ATPAF1: variants seen among roughly 807,000 people sequenced by gnomAD.
The protein encoded by ATPAF1 is ATP synthase mitochondrial F1 complex assembly factor 1.
Under a neutral mutation model 43.9 loss-of-function variants are expected in ATPAF1, and 26 were observed. The ratio of observed to expected loss-of-function variants is 0.59; its 90% CI spans 0.43 to 0.82. ATPAF1 has a LOEUF of 0.82. Among genes scored for constraint, ATPAF1 ranks in the 40% least tolerant of loss-of-function variants. The pLI, the probability that ATPAF1 is intolerant of heterozygous loss-of-function variation, is 0.00. For synonymous variants in ATPAF1, 157 were observed against 168.0 expected (o/e 0.93, Z 0.50); for missense variants, 366 against 435.0 (o/e 0.84, Z 1.41).
At chr1:46,637,210 T>TA (rs1675857860) in intron 8 of ATPAF1, among the ~76,000 whole-genome samples, 1 of 152,110 alleles carries the variant, frequency 6.6e-6, no homozygotes, top group South Asian at 2.1e-4. Flanking sequence ...CAGGCCACCC[T>TA]ACATGACAGA....
chr1:46,643,293 C>G, exon 8 of ATPAF1: 2 of 1,612,002 alleles, frequency 1.2e-6, no homozygotes, highest in Non-Finnish European at 1.7e-6. Context: ...CTGCAGCTTC[C>G]CCTCGGGTCT....
In ATPAF1 at chr1:46,668,327, G is replaced by GC. The variant is rs1676531123; in HGVS notation, c.-6dup. On this transcript the variant is annotated 5_prime_UTR_variant, in exon 1 of 9. Coordinates refer to ENST00000574428, the Ensembl canonical transcript of ATPAF1. The surrounding 1 kb of genome is among the most constrained non-coding windows in gnomAD (Gnocchi z 4.4). ...CGCCACCACCACAGCAGCCATGGCC[G>GC]CCCCCGCCTCCTCCTCCTCCTCAGG... 7.4e-7 allele frequency: 1 copy of GC among 1,358,130 alleles called. No homozygotes were observed. The highest frequency in any genetic ancestry group is 9.5e-7 in the Non-Finnish European group (1 of 1,050,954). 84.1% of individuals were successfully genotyped at this position (1,358,130 alleles called of 1,614,324 possible).
At chr1:46,649,593 T>C (rs1005367736) in intron 6 of ATPAF1, among the ~76,000 whole-genome samples, 1 of 152,192 alleles carries the variant, frequency 6.6e-6, no homozygotes, top group Non-Finnish European at 1.5e-5. Flanking sequence ...AGTATTGTAT[T>C]TCATCTAGAG....
downstream of ATPAF1, chr1:46,633,502 A>G (rs1675786396): frequency 8.9e-6 from 3 of 336,248 alleles, no homozygotes; most frequent in South Asian, 7.5e-5. Context: ...ATATGAACCC[A>G]GATTCACTTA....
At chr1:46,642,693 G>A (rs1075982) in intron 8 of ATPAF1, among the ~76,000 whole-genome samples, 39,912 of 152,130 alleles carry the variant, frequency 0.26, 5,532 homozygotes, top group East Asian at 0.38. Context: ...CCATTTACTT[G>A]TCTACAATCT....
rs1676381488 is a variant in ATPAF1, at chr1:46,661,254, TTTAG to T, written c.376-2521_376-2518del. 5.9e-5 allele frequency among the ~76,000 whole-genome samples: 9 copies of T among 152,140 alleles called. 1 individual carries two copies. Reference sequence around the variant, plus strand: ...TGCCTGGCTAATTTTTCTTTTGCATTTTAGTAGAGACGGGGTTTCACCGTGTTGC... The same window carrying T: ...TGCCTGGCTAATTTTTCTTTTGCATTTAGAGACGGGGTTTCACCGTGTTGC... On this transcript the variant is annotated intron_variant, in intron 2 of 8. Coordinates refer to ENST00000574428, the Ensembl canonical transcript of ATPAF1.
intron 7 of ATPAF1, 132 bp from the exon 8 acceptor site, chr1:46,643,433 G>T: frequency 3.1e-6 from 2 of 646,630 alleles, no homozygotes; most frequent in East Asian, 2.8e-5. Flanking sequence ...TTGGAGGACT[G>T]GTATGTGGTG....
chr1:46,666,134 G>T, intron 1 of ATPAF1: 1 of 188,532 alleles, frequency 5.3e-6, no homozygotes, highest in East Asian at 1.3e-4. Context: ...CTATCCCTCT[G>T]GTGGACTTTC....
At chr1:46,645,395 G>A (rs1312311564) in intron 6 of ATPAF1, 139 bp from the exon 7 acceptor site, 22 of 677,946 alleles carry the variant, frequency 3.2e-5, no homozygotes, top group East Asian at 1.4e-4. Flanking sequence ...ACAGGTTCTC[G>A]CTCTGTTGTC....
chr1:46,650,612 G>A (rs1248935105), intron 6 of ATPAF1, among the ~76,000 whole-genome samples: 1 of 152,052 alleles, frequency 6.6e-6, no homozygotes, highest in Non-Finnish European at 1.5e-5. Flanking sequence ...CGAAGATATG[G>A]AATCAACCTA....
At chr1:46,644,996 G>C (rs1258054) in intron 7 of ATPAF1, among the ~76,000 whole-genome samples, 165 bp downstream of exon 7, 90,809 of 152,038 alleles carry the variant, frequency 0.6, 29,000 homozygotes, top group Non-Finnish European at 0.73. Flanking sequence ...ATTGAGGAGG[G>C]CCTAGAAAAC....
At chr1:46,650,267 T>C (rs1348142363) in intron 6 of ATPAF1, among the ~76,000 whole-genome samples, 1 of 150,988 alleles carries the variant, frequency 6.6e-6, no homozygotes, top group Non-Finnish European at 1.5e-5. Context: ...AGACAACCTG[T>C]AATCCCAGCA....
At chr1:46,654,736 T>C (rs1467958178) in intron 4 of ATPAF1, among the ~76,000 whole-genome samples, 2 of 151,896 alleles carry the variant, frequency 1.3e-5, no homozygotes, top group Non-Finnish European at 2.9e-5. Flanking sequence ...TTCCCCACTC[T>C]GTGTCCATGT....
intron 6 of ATPAF1, among the ~76,000 whole-genome samples, chr1:46,650,037 AT>A (rs1170671064): frequency 6.6e-6 from 1 of 152,124 alleles, no homozygotes; most frequent in Non-Finnish European, 1.5e-5. Flanking sequence ...GTTTCCAAAA[AT>A]GTTTTGAAAA....
chr1:46,637,335 A>T (rs1250943007), intron 8 of ATPAF1, among the ~76,000 whole-genome samples: 1 of 152,162 alleles, frequency 6.6e-6, no homozygotes, highest in African/African-American at 2.4e-5. Context: ...AGCTATGGTC[A>T]TGCCAGCACA....
At chr1:46,651,059 T>C (rs1676158030) in intron 6 of ATPAF1, among the ~76,000 whole-genome samples, 1 of 152,110 alleles carries the variant, frequency 6.6e-6, no homozygotes, top group South Asian at 2.1e-4. Flanking sequence ...GCAGGTTAGT[T>C]ACATATGTAT....
At chr1:46,640,358 C>T (rs918223987) in intron 8 of ATPAF1, among the ~76,000 whole-genome samples, 10 of 151,880 alleles carry the variant, frequency 6.6e-5, no homozygotes, top group Admixed American at 6.6e-4. Flanking sequence ...GCCTGTAATC[C>T]CAGCACTCTG....
exon 9 of ATPAF1, chr1:46,635,406 G>C (rs146114565): frequency 4.7e-4 from 95 of 200,662 alleles, no homozygotes; most frequent in African/African-American, 2.1e-3. Flanking sequence ...CCTGTCATGA[G>C]TTCATAAAGA....
chr1:46,655,317 C>T (rs1193579087), intron 4 of ATPAF1, among the ~76,000 whole-genome samples: 1 of 152,118 alleles, frequency 6.6e-6, no homozygotes, highest in African/African-American at 2.4e-5. Context: ...AAGTCTTCTA[C>T]ATGTGGAAGA....
Sources: allele counts gnomAD v4.1 joint callset (sites outside exome capture counted in the v4.1 genomes callset), GRCh38; gene constraint gnomAD v4.1.1; non-coding constraint Gnocchi (gnomAD v3.1); transcripts MANE v1.5; gene names NCBI Gene and HGNC (gene_info 2026-07-23, HGNC 2026-07-21).